The following CEP70 variants were observed in gnomAD, a reference collection of about 807,000 sequenced individuals.
CEP70 encodes centrosomal protein of 70 kDa.
A neutral mutation model predicts 90.9 loss-of-function variants in CEP70; 70 were observed. The observed-to-expected ratio is 0.77, with a 90% CI of 0.64 to 0.94. The LOEUF (loss-of-function observed/expected upper bound fraction) is 0.94. CEP70 is among the 40% of genes least tolerant of loss of function. CEP70 has a pLI of 0.00. For missense variants in CEP70, 648 were observed against 669.0 expected, an observed-to-expected ratio of 0.97 and a Z score of 0.35; for synonymous variants, 220 against 228.3, an observed-to-expected ratio of 0.96 and a Z score of 0.33.
At chr3:138,542,522 C>A (rs910941717) in intron 6 of CEP70, among the ~76,000 whole-genome samples, 1 of 152,206 alleles carries the variant, frequency 6.6e-6, no homozygotes, top group South Asian at 2.1e-4. Context: ...GTCCCACCAC[C>A]CTGCTCTGGC....
intron 12 of CEP70, among the ~76,000 whole-genome samples, chr3:138,507,887 A>T (rs140250361): frequency 0.012 from 1,841 of 152,316 alleles, 35 homozygotes; most frequent in African/African-American, 0.041. Flanking sequence ...AAAAATGAAT[A>T]ATCTAAAACT....
chr3:138,567,206 C>T (rs1430434995), intron 6 of CEP70, among the ~76,000 whole-genome samples: 1 of 152,218 alleles, frequency 6.6e-6, no homozygotes, highest in Admixed American at 6.5e-5. Context: ...TCCTTGACCT[C>T]TTTGCATATA....
At chr3:138,565,168 A>G (rs940145661) in intron 6 of CEP70, among the ~76,000 whole-genome samples, 2 of 152,238 alleles carry the variant, frequency 1.3e-5, no homozygotes, top group African/African-American at 2.4e-5. Context: ...AAGGAGAACT[A>G]CAAACTACTG....
chr3:138,566,514 G>A (rs1210295293), intron 6 of CEP70, among the ~76,000 whole-genome samples: 1 of 151,854 alleles, frequency 6.6e-6, no homozygotes, highest in African/African-American at 2.4e-5. Context: ...AGGAGTGCAT[G>A]TCCTTTGAAT....
At chr3:138,538,438 C>A (rs879903775) in intron 6 of CEP70, among the ~76,000 whole-genome samples, 5 of 152,102 alleles carry the variant, frequency 3.3e-5, no homozygotes, top group Non-Finnish European at 7.4e-5. Context: ...CTGTAGCAAA[C>A]CTGGACATGA....
chr3:138,549,650 G>T (rs149775862), intron 6 of CEP70, among the ~76,000 whole-genome samples: 4 of 152,184 alleles, frequency 2.6e-5, no homozygotes, highest in Admixed American at 2.6e-4. Flanking sequence ...AAGACAAAGA[G>T]CATATTCTCT....
intron 13 of CEP70, among the ~76,000 whole-genome samples, chr3:138,502,278 T>C (rs1576521276): frequency 6.6e-6 from 1 of 152,160 alleles, no homozygotes; most frequent in Non-Finnish European, 1.5e-5. Context: ...CTAGCCACCT[T>C]TCAAGTGATC....
chr3:138,585,519 T>G (rs1010144709), intron 2 of CEP70, among the ~76,000 whole-genome samples: 1 of 152,186 alleles, frequency 6.6e-6, no homozygotes, highest in South Asian at 2.1e-4. Flanking sequence ...ACCAATGACA[T>G]TCTTCACAGA....
chr3:138,546,013 T>A lies in CEP70; in HGVS notation c.466-8666A>T, dbSNP rs1056826821. ...CTTTGCTTTGCCCTTTGCCTTGTGA[T>A]CTTTATTGCCCTTTAAAGCATGTGA... On this transcript the variant is annotated intron_variant, in intron 6 of 17. Coordinates refer to ENST00000264982, the MANE Select transcript of CEP70 (RefSeq NM_024491.4). Among the ~76,000 whole-genome samples, 3 of 152,180 alleles carry A rather than the reference T, an allele frequency of 2.0e-5. No homozygotes were observed. In the South Asian group the frequency reaches 6.2e-4, roughly 31 times the overall value.
chr3:138,566,535 T>C (rs2040801368), intron 6 of CEP70, among the ~76,000 whole-genome samples: 1 of 151,934 alleles, frequency 6.6e-6, no homozygotes, highest in Non-Finnish European at 1.5e-5. Flanking sequence ...CTGGAAACCA[T>C]TATTCTGAGC....
intron 10 of CEP70, among the ~76,000 whole-genome samples, chr3:138,527,846 ACCTAG>A (rs1434466435): frequency 1.2e-4 from 18 of 152,050 alleles, no homozygotes; most frequent in African/African-American, 3.9e-4. Context: ...GAGCCACTGC[ACCTAG>A]CCTCCAAGGC....
chr3:138,521,058 C>T (rs1164942608), intron 11 of CEP70, among the ~76,000 whole-genome samples: 2 of 152,204 alleles, frequency 1.3e-5, no homozygotes, highest in African/African-American at 4.8e-5. Flanking sequence ...GATCTGCCTG[C>T]CTCGGCCTCC....
intron 10 of CEP70, among the ~76,000 whole-genome samples, chr3:138,527,305 G>A (rs954896901): frequency 6.6e-6 from 1 of 151,332 alleles, no homozygotes; most frequent in Non-Finnish European, 1.5e-5. Flanking sequence ...TGGGACTGCA[G>A]GAGTACGCTA....
rs1389684085 is a variant in CEP70, at chr3:138,496,592, A to C, written c.1732+1439T>G. The C allele has an allele frequency of 3.0e-6, 3 of 985,256 alleles. No homozygotes were observed. The African/African-American group carries it at 5.2e-5, about 17-fold the overall frequency. 61.0% of individuals were successfully genotyped at this position (985,256 alleles called of 1,614,324 possible). ...GATATGGGAATTTCCTCAGTCAATC[A>C]CACCATTTACATGAGAAAAAGAATG... On this transcript the variant is annotated intron_variant, in intron 17 of 17. Coordinates refer to ENST00000264982, the MANE Select transcript of CEP70 (RefSeq NM_024491.4).
intron 7 of CEP70, among the ~76,000 whole-genome samples, chr3:138,536,440 TATA>T (rs1430891940): frequency 1.3e-5 from 2 of 152,042 alleles, no homozygotes; most frequent in Non-Finnish European, 2.9e-5. Context: ...CTAACTGCAT[TATA>T]ATTTGGTGAC....
At chr3:138,559,632 G>A (rs111946647) in intron 6 of CEP70, among the ~76,000 whole-genome samples, 7,292 of 152,220 alleles carry the variant, frequency 0.048, 562 homozygotes, top group African/African-American at 0.16. Context: ...GACTGAGGTG[G>A]GAGGATCACT....
At chr3:138,546,111 C>T (rs917339638) in intron 6 of CEP70, among the ~76,000 whole-genome samples, 16 of 152,080 alleles carry the variant, frequency 1.1e-4, no homozygotes, top group African/African-American at 3.4e-4. Context: ...GCTGGTTTTG[C>T]GGCTCAGGAC....
At chr3:138,590,937 C>T (rs1207664016) in intron 2 of CEP70, among the ~76,000 whole-genome samples, 1 of 152,032 alleles carries the variant, frequency 6.6e-6, no homozygotes, top group Non-Finnish European at 1.5e-5. Context: ...ATCTGGCATA[C>T]CTGAATGGTA....
chr3:138,497,300 T>C, intron 17 of CEP70: 4 of 1,263,162 alleles, frequency 3.2e-6, no homozygotes, highest in Non-Finnish European at 2.0e-6. Context: ...CCAAGCTTCA[T>C]CTCCTCTTCT....
Sources: allele counts gnomAD v4.1 joint callset (sites outside exome capture counted in the v4.1 genomes callset), GRCh38; gene constraint gnomAD v4.1.1; transcripts MANE v1.5; gene names NCBI Gene and HGNC (gene_info 2026-07-23, HGNC 2026-07-21).